AGPS: variants seen among roughly 807,000 people sequenced by gnomAD.
The protein encoded by AGPS is alkyldihydroxyacetonephosphate synthase, peroxisomal.
A neutral mutation model predicts 90.7 loss-of-function variants in AGPS; 26 were observed. That is an observed-to-expected ratio of 0.29 (90% CI 0.21 to 0.40). The LOEUF (loss-of-function observed/expected upper bound fraction) is 0.40, where lower values mean the gene tolerates loss of function less well. AGPS is among the 10% of genes least tolerant of loss of function. The pLI is 1.00. For missense variants in AGPS, 540 were observed against 816.1 expected (o/e 0.66, Z 4.12); for synonymous variants, 294 against 285.3 (o/e 1.03, Z -0.31).
intron 15 of AGPS, among the ~76,000 whole-genome samples, chr2:177,506,279 A>AT (rs1279341705): frequency 2.6e-5 from 4 of 151,434 alleles, no homozygotes; most frequent in South Asian, 2.1e-4. Flanking sequence ...CTAAAAGGTC[A>AT]TTTTTTCAGA....
intron 9 of AGPS, among the ~76,000 whole-genome samples, chr2:177,466,420 G>C (rs577672127): frequency 6.6e-6 from 1 of 152,228 alleles, no homozygotes; most frequent in Non-Finnish European, 1.5e-5. Flanking sequence ...GGAACTGGCA[G>C]CCCAGCCCCC....
chr2:177,425,742 T>C (rs1263501668), intron 2 of AGPS, among the ~76,000 whole-genome samples: 1 of 152,090 alleles, frequency 6.6e-6, no homozygotes, highest in African/African-American at 2.4e-5. Flanking sequence ...TTCTTTTCCA[T>C]TGGTCTATGT....
chr2:177,476,945 G>A (rs376489656), intron 10 of AGPS, among the ~76,000 whole-genome samples: 12 of 151,996 alleles, frequency 7.9e-5, no homozygotes, highest in Admixed American at 7.2e-4. Context: ...AGTCTGTTTC[G>A]TATGATATTA....
At chr2:177,397,469 GTT>G (rs1395102119) in intron 1 of AGPS, among the ~76,000 whole-genome samples, 1 of 137,438 alleles carries the variant, frequency 7.3e-6, no homozygotes. Flanking sequence ...ATTTTTTTCA[GTT>G]TTTTTTTTTT....
At chr2:177,422,112 T>G (rs1390543347) in intron 2 of AGPS, among the ~76,000 whole-genome samples, 1 of 152,106 alleles carries the variant, frequency 6.6e-6, no homozygotes, top group African/African-American at 2.4e-5. Flanking sequence ...TTCTGGCACT[T>G]GATTTGTCAG....
chr2:177,394,564 A>C (rs1685115912), intron 1 of AGPS, among the ~76,000 whole-genome samples: 1 of 152,210 alleles, frequency 6.6e-6, no homozygotes, highest in African/African-American at 2.4e-5. Context: ...ATACATGATT[A>C]GATTTACCTT....
intron 1 of AGPS, among the ~76,000 whole-genome samples, chr2:177,395,861 T>C (rs1422911711): frequency 6.6e-6 from 1 of 152,228 alleles, no homozygotes; most frequent in Non-Finnish European, 1.5e-5. Flanking sequence ...ATATTTTCAT[T>C]CCTGTTACAG....
chr2:177,448,471 T>C (rs1686839678), intron 8 of AGPS, among the ~76,000 whole-genome samples: 1 of 152,182 alleles, frequency 6.6e-6, no homozygotes, highest in South Asian at 2.1e-4. Flanking sequence ...AATTGATATC[T>C]CCACTTGCGT....
Position 177,505,542 on chromosome 2 carries a change from T to C in AGPS, c.1512T>C (p.Gly504=), listed in dbSNP as rs776748239. 2.5e-6 allele frequency: 4 copies of C among 1,612,452 alleles called. No individual in the cohort carries two copies. In the South Asian group the frequency reaches 4.4e-5, roughly 18 times the overall value. ...CTGGAGAAGATAATGGACAGAGAGG[T>C]TATTTGCTGACCTATGTTATTGCAT... ...LAAGEDNGQR[G]YLLTYVIAYI... is the part of the protein sequence containing the mutation. The change falls in exon 15 of 20, where the codon GGT becomes GGC. Residue 504 remains glycine (G), a synonymous_variant. Coordinates refer to ENST00000264167, the MANE Select transcript of AGPS (RefSeq NM_003659.4).
At chr2:177,510,037 C>G (rs1381352538) in intron 16 of AGPS, among the ~76,000 whole-genome samples, 2 of 152,154 alleles carry the variant, frequency 1.3e-5, no homozygotes, top group African/African-American at 4.8e-5. Context: ...TGGGGAAAAC[C>G]TTTTAACGCG....
chr2:177,465,246 A>AT (rs1189474390), intron 9 of AGPS, among the ~76,000 whole-genome samples: 11 of 152,198 alleles, frequency 7.2e-5, no homozygotes, highest in African/African-American at 2.7e-4. Context: ...GTGAGCTATC[A>AT]TCCCACCACT....
intron 16 of AGPS, among the ~76,000 whole-genome samples, chr2:177,513,319 C>A (rs934741963): frequency 6.6e-6 from 1 of 152,038 alleles, no homozygotes. Flanking sequence ...TCTCAAACTC[C>A]TGGGCTCAAG....
At position 177,393,431 on chromosome 2, in the gene AGPS, A is replaced by C. The variant is rs192466844; in HGVS notation, c.260+382A>C. On this transcript the variant is annotated intron_variant, in intron 1 of 19. Coordinates refer to ENST00000264167, the MANE Select transcript of AGPS (RefSeq NM_003659.4). ...TTCTATTTTTCTCCGAGGAGATATA[A>C]ATTTGTACTAGATGATAGATCATAG... 5.1e-5 allele frequency: 50 copies of C among 985,338 alleles called. No individual in the cohort carries two copies. In the East Asian group the frequency reaches 3.1e-3, roughly 60 times the overall value. The allele number at this position is 985,338 out of a possible 1,614,324, so 61.0% of individuals were successfully genotyped here.
rs772011417 is a variant in AGPS at position 177,519,658 on chromosome 2, TC to T, written c.1698-1610del. On this transcript the variant is annotated intron_variant, in intron 17 of 19. Transcript: ENST00000264167. ...CTCAACTGCAGTGATTTGCTTTTTT[TC>T]TACCCAGAATCTTTAAGTCTGTTGA... Among the ~76,000 whole-genome samples, 11 of 152,332 alleles carry T rather than the reference TC, an allele frequency of 7.2e-5. No individual in the cohort carries two copies. In the East Asian group the frequency reaches 1.9e-3, roughly 27 times the overall value.
intron 7 of AGPS, among the ~76,000 whole-genome samples, chr2:177,443,775 G>C (rs1686684149): frequency 6.6e-6 from 1 of 152,188 alleles, no homozygotes; most frequent in African/African-American, 2.4e-5. Flanking sequence ...GATAGCTGAA[G>C]AATAGCCTGT....
At chr2:177,529,724 T>C (rs1176719051) in intron 19 of AGPS, among the ~76,000 whole-genome samples, 1 of 152,166 alleles carries the variant, frequency 6.6e-6, no homozygotes, top group Non-Finnish European at 1.5e-5. Flanking sequence ...ATGCATTAAG[T>C]ATGTAAGGTT....
chr2:177,500,446 ATTAG>A (rs1285995287), intron 14 of AGPS, among the ~76,000 whole-genome samples: 1 of 151,992 alleles, frequency 6.6e-6, no homozygotes, highest in African/African-American at 2.4e-5. Flanking sequence ...TATGCTTAAT[ATTAG>A]TTCTTTGTAA....
At chr2:177,397,502 C>T (rs1207707726) in intron 1 of AGPS, among the ~76,000 whole-genome samples, 2 of 148,518 alleles carry the variant, frequency 1.3e-5, no homozygotes, top group Non-Finnish European at 1.5e-5. Flanking sequence ...TGTGGTCTTA[C>T]GAAAAAGAGA....
intron 16 of AGPS, among the ~76,000 whole-genome samples, chr2:177,509,446 C>G (rs1454401096): frequency 6.6e-6 from 1 of 152,070 alleles, no homozygotes; most frequent in Admixed American, 6.5e-5. Context: ...ACGGGCAGAT[C>G]ACGAGGTCAG....
Sources: allele counts gnomAD v4.1 joint callset (sites outside exome capture counted in the v4.1 genomes callset), GRCh38; gene constraint gnomAD v4.1.1; transcripts MANE v1.5; gene names NCBI Gene and HGNC (gene_info 2026-07-23, HGNC 2026-07-21).